Variants in TP53I13 observed in about 807,000 individuals in gnomAD.
TP53I13 encodes tumor protein p53-inducible protein 13.
Under a neutral mutation model 39.1 loss-of-function variants are expected in TP53I13, and 27 were observed. The observed-to-expected ratio is 0.69, with a 90% CI of 0.51 to 0.95. The LOEUF is 0.95. TP53I13 is among the 40% of genes least tolerant of loss of function. The probability of loss-of-function intolerance (pLI) is 0.00; values close to 1 mark genes in which losing one functional copy is unlikely to be tolerated. For synonymous variants in TP53I13, 230 were observed against 224.6 expected (o/e 1.02, Z -0.22); for missense variants, 544 against 520.4 (o/e 1.05, Z -0.44).
At position 29,572,048 on chromosome 17, in the gene TP53I13, G is replaced by C. The variant is rs1202013789; in HGVS notation, c.504G>C (p.Gly168=). The change falls in exon 5 of 7, where the codon GGG becomes GGC. Residue 168 remains glycine (G), a synonymous_variant. Transcript: ENST00000301057. Reference sequence around the variant, plus strand: ...GTAGAGGGAGGCTGTGCCGAAGAGGGTGTGTGCAGGTGAGAGACGCTGGGC... The same window carrying C: ...GTAGAGGGAGGCTGTGCCGAAGAGGCTGTGTGCAGGTGAGAGACGCTGGGC... The part of the protein sequence containing the change: ...TPGRGRLCRR[G]CVQALALAFA... The C allele has an allele frequency of 6.2e-7, 1 of 1,612,988 alleles. No individual in the cohort carries two copies. The highest frequency in any genetic ancestry group is 8.5e-7 in the Non-Finnish European group (1 of 1,180,018).
chr17:29,581,274 T>TG, the TP53I13 span: 1 of 1,257,422 alleles, frequency 8.0e-7, no homozygotes, highest in Non-Finnish European at 1.2e-6. The surrounding 1 kb of genome is among the most constrained non-coding windows in gnomAD (Gnocchi z 4.8). Context: ...CTGGGAGCTC[T>TG]GGGGGTCAGC....
At chr17:29,567,079 C>A, upstream of TP53I13, 1 of 948,286 alleles carries the variant, frequency 1.1e-6, no homozygotes, top group South Asian at 5.2e-5. This position sits in a 1 kb window ranked among gnomAD's most constrained non-coding sequence, Gnocchi z 6.6. Flanking sequence ...GGCCCTCCCG[C>A]GCGGGCGCGC....
At position 29,569,059 on chromosome 17, in the gene TP53I13, C is replaced by G; in HGVS notation, c.114C>G (p.Pro38=). The G allele has an allele frequency of 1.2e-6, 2 of 1,604,292 alleles. No individual in the cohort carries two copies. The highest frequency in any genetic ancestry group is 1.7e-6 in the Non-Finnish European group (2 of 1,176,306). ...GPAEEAGAHC[P]ESLWPLPPQV... ...CGGAGGAGGCGGGAGCCCATTGTCC[C>G]GAGAGCCTGTGGCCTCTGCCTCCGC... The change falls in exon 2 of 7, where the codon CCC becomes CCG. Residue 38 remains proline, a synonymous_variant. Transcript: ENST00000301057.
the TP53I13 span, chr17:29,582,178 G>A: frequency 1.4e-6 from 2 of 1,464,912 alleles, no homozygotes; most frequent in Admixed American, 2.0e-5. Flanking sequence ...GAATACGCAT[G>A]TGCGTGAGGC....
At chr17:29,576,973 T>C, downstream of TP53I13, 1 of 1,602,588 alleles carries the variant, frequency 6.2e-7, no homozygotes, top group Non-Finnish European at 8.5e-7. Context: ...TCACTCTGGC[T>C]CCGCAGAGAC....
upstream of TP53I13, chr17:29,566,719 A>G: frequency 1.3e-6 from 2 of 1,576,982 alleles, no homozygotes; most frequent in African/African-American, 1.3e-5. Context: ...GGCGCGCAGC[A>G]GGCACTGGGC....
At position 29,569,311 on chromosome 17, in the gene TP53I13, TG is replaced by T. The variant is rs764132757; in HGVS notation, c.142-6del. On this transcript the variant is annotated splice_region_variant and splice_polypyrimidine_tract_variant and intron_variant, in intron 2 of 6. Coordinates refer to ENST00000301057, the MANE Select transcript of TP53I13 (RefSeq NM_138349.4). ...TGCCCTAAGCTCTGTTCTTTCCCCA[TG>T]TATAGGTGTCACCAAGAGTGACCTA... 6.2e-7 allele frequency: 1 copy of T among 1,613,694 alleles called. No individual in the cohort carries two copies. The highest frequency in any genetic ancestry group is 2.2e-5 in the East Asian group (1 of 44,852).
In TP53I13 at chr17:29,568,865, G is replaced by T. The variant is rs781167687; in HGVS notation, c.72+35G>T. On this transcript the variant is annotated intron_variant, in intron 1 of 6. Coordinates refer to ENST00000301057, the MANE Select transcript of TP53I13 (RefSeq NM_138349.4). The surrounding 1 kb of genome is among the most constrained non-coding windows in gnomAD (Gnocchi z 4.5). ...CCCGCTCCTGGGAAGGCCTCGGCCC[G>T]CGAGCTCAAAGCGCTTTGCCAAAAG... The T allele has an allele frequency of 1.8e-5, 29 of 1,599,326 alleles. No homozygotes were observed. The highest frequency in any genetic ancestry group is 2.5e-5 in the Non-Finnish European group (29 of 1,178,926).
At chr17:29,576,559 C>T, downstream of TP53I13, 2 of 1,614,042 alleles carry the variant, frequency 1.2e-6, no homozygotes, top group Non-Finnish European at 1.7e-6. Context: ...GCTCAGGCTA[C>T]TGTTGACCTT....
the TP53I13 span, chr17:29,578,464 G>A: frequency 1.6e-6 from 2 of 1,213,602 alleles, no homozygotes; most frequent in Non-Finnish European, 2.5e-6. Flanking sequence ...TGGGGAACCG[G>A]TGGCCTTCCT....
downstream of TP53I13, chr17:29,576,040 C>T: frequency 6.2e-7 from 1 of 1,607,834 alleles, no homozygotes; most frequent in Non-Finnish European, 8.5e-7. Context: ...GGGCTCAGAA[C>T]CTACTGGCTA....
chr17:29,575,150 G>A, downstream of TP53I13: 1 of 1,593,588 alleles, frequency 6.3e-7, no homozygotes, highest in Non-Finnish European at 8.6e-7. This position sits in a 1 kb window ranked among gnomAD's most constrained non-coding sequence, Gnocchi z 5.5. Flanking sequence ...AAGCTGCGGG[G>A]AGAAGGGAGG....
downstream of TP53I13, chr17:29,573,197 C>G (rs898599688): frequency 5.8e-6 from 2 of 342,126 alleles, no homozygotes; most frequent in Non-Finnish European, 1.1e-5. Context: ...ACAGAGACTC[C>G]CACCCGGACC....
upstream of TP53I13, chr17:29,566,390 G>T: frequency 6.2e-7 from 1 of 1,611,228 alleles, no homozygotes; most frequent in Non-Finnish European, 8.5e-7. Context: ...TGGCCGCGGC[G>T]ATGGAAGATG....
At chr17:29,579,918 G>A in the TP53I13 span, among the ~76,000 whole-genome samples, 11 of 152,100 alleles carry the variant, frequency 7.2e-5, no homozygotes, top group East Asian at 1.9e-4. Flanking sequence ...CCGCTCTCGG[G>A]ATGGTCACTG....
the TP53I13 span, chr17:29,578,435 C>G: frequency 6.9e-7 from 1 of 1,457,312 alleles, no homozygotes; most frequent in Non-Finnish European, 9.6e-7. Context: ...AGGCCAGCTC[C>G]CCAGCATGTT....
chr17:29,575,481 G>A, downstream of TP53I13: 1 of 1,595,586 alleles, frequency 6.3e-7, no homozygotes, highest in South Asian at 1.1e-5. This position sits in a 1 kb window ranked among gnomAD's most constrained non-coding sequence, Gnocchi z 5.5. Context: ...CTGAGGCCCA[G>A]GTCCAGAAAA....
chr17:29,566,805 G>A (rs2032726017), upstream of TP53I13: 3 of 1,514,362 alleles, frequency 2.0e-6, no homozygotes, highest in Non-Finnish European at 2.6e-6. Flanking sequence ...GGTCCGCCGG[G>A]CCTCCGCCGT....
rs2032813275 is a variant in TP53I13 at position 29,568,901 on chromosome 17, A to C, written c.72+71A>C. On this transcript the variant is annotated intron_variant, in intron 1 of 6. Transcript: ENST00000301057. The surrounding 1 kb of genome is among the most constrained non-coding windows in gnomAD (Gnocchi z 4.5). ...GCGCTTTGCCAAAAGTTCGTCCTGG[A>C]AGGAGTGGCGCGCCGAGGGGGACGC... is the stretch of plus-strand genomic sequence containing the variant. The C allele has an allele frequency of 6.3e-7, 1 of 1,598,318 alleles. No individual in the cohort carries two copies. The highest frequency in any genetic ancestry group is 8.5e-7 in the Non-Finnish European group (1 of 1,176,822).
Sources: gnomAD v4.1 joint callset for allele counts (sites outside exome capture counted in the v4.1 genomes callset) on GRCh38, gnomAD v4.1.1 for gene constraint, Gnocchi (gnomAD v3.1) non-coding constraint, MANE v1.5 for transcripts, NCBI Gene and HGNC (gene_info 2026-07-23, HGNC 2026-07-21) for gene names.